The following ALDH1A1 variants were observed in gnomAD, a reference collection of about 807,000 sequenced individuals.
ALDH1A1 encodes aldehyde dehydrogenase 1A1.
ALDH1A1 carries 19 observed loss-of-function variants against 62.1 expected under a neutral mutation model. The ratio of observed to expected loss-of-function variants is 0.31; its 90% CI spans 0.21 to 0.45. The LOEUF is 0.45. ALDH1A1 is among the 20% of genes least tolerant of loss of function. The pLI is 1.00. For synonymous variants in ALDH1A1, 231 were observed against 215.9 expected (o/e 1.07, Z -0.61); for missense variants, 521 against 607.1 (o/e 0.86, Z 1.49).
chr9:72,943,360 T>C (rs776174872), intron 1 of ALDH1A1, among the ~76,000 whole-genome samples: 4 of 152,152 alleles, frequency 2.6e-5, no homozygotes, highest in Non-Finnish European at 4.4e-5. Flanking sequence ...TTTACACACT[T>C]TTTTGTAAAA....
rs1447363853 is a variant in ALDH1A1 at position 72,930,779 on chromosome 9, G to C, written c.312+100C>G. ...AAAAAATGTTTTCATTTTGTTTGTA[G>C]AGAGCATATAGTGATCCCTAAAATC... On this transcript the variant is annotated intron_variant, in intron 3 of 12. Transcript: ENST00000297785. The C allele has an allele frequency of 7.9e-6, 11 of 1,386,660 alleles. No homozygotes were observed. The Admixed American group carries it at 2.1e-4, about 26-fold the overall frequency. 85.9% of individuals were successfully genotyped at this position (1,386,660 alleles called of 1,614,324 possible).
At chr9:72,914,238 T>C (rs1241844470) in intron 9 of ALDH1A1, among the ~76,000 whole-genome samples, 1 of 152,194 alleles carries the variant, frequency 6.6e-6, no homozygotes, top group East Asian at 1.9e-4. Flanking sequence ...CTCAAATTAT[T>C]CAGAAACCAT....
chr9:72,951,671 C>A (rs565576261), intron 1 of ALDH1A1, among the ~76,000 whole-genome samples: 7 of 151,954 alleles, frequency 4.6e-5, no homozygotes, highest in Admixed American at 2.6e-4. Context: ...CTCTTGCAAC[C>A]TTTTGGACAT....
chr9:72,942,343 C>G (rs771133934), intron 1 of ALDH1A1: 248 of 985,152 alleles, frequency 2.5e-4, no homozygotes, highest in Non-Finnish European at 2.9e-4. Flanking sequence ...CTGCTCTCAC[C>G]CCAAAGTTCT....
intron 6 of ALDH1A1, 149 bp from the exon 7 acceptor site, chr9:72,924,281 T>C: frequency 1.7e-6 from 1 of 573,740 alleles, no homozygotes; most frequent in East Asian, 3.0e-5. Context: ...TTTAGTCTTA[T>C]TATGTCATTT....
At chr9:72,929,795 A>T (rs915599268) in intron 3 of ALDH1A1, among the ~76,000 whole-genome samples, 1 of 152,168 alleles carries the variant, frequency 6.6e-6, no homozygotes, top group African/African-American at 2.4e-5. Context: ...TCATGTCAAA[A>T]TTTAACCAAA....
chr9:72,931,079 G>A (rs778604276), intron 2 of ALDH1A1, 60 bp from the exon 3 acceptor site: 1 of 1,595,294 alleles, frequency 6.3e-7, no homozygotes, highest in Non-Finnish European at 8.6e-7. Context: ...CAAATTTAAT[G>A]CCAATAACCC....
chr9:72,931,421 G>A (rs1339304457), intron 2 of ALDH1A1, among the ~76,000 whole-genome samples: 1 of 152,174 alleles, frequency 6.6e-6, no homozygotes, highest in Non-Finnish European at 1.5e-5. Context: ...AGAGACGGGA[G>A]CTTTGCTCAA....
intron 5 of ALDH1A1, 197 bp downstream of exon 5, chr9:72,926,919 A>C (rs1371342758): frequency 4.2e-6 from 2 of 478,620 alleles, no homozygotes; most frequent in Non-Finnish European, 7.6e-6. Context: ...GATATGCCAG[A>C]ATATAGATAG....
intron 1 of ALDH1A1, among the ~76,000 whole-genome samples, chr9:72,945,022 T>A (rs1830459801): frequency 6.6e-6 from 1 of 152,232 alleles, no homozygotes; most frequent in African/African-American, 2.4e-5. Flanking sequence ...TTACCTTTGA[T>A]AAACAAGTAG....
intron 12 of ALDH1A1, among the ~76,000 whole-genome samples, chr9:72,902,656 T>G (rs1829820157): frequency 6.6e-6 from 1 of 151,994 alleles, no homozygotes; most frequent in African/African-American, 2.4e-5. Flanking sequence ...TATAGGCACT[T>G]GAAGCTCTCA....
intron 12 of ALDH1A1, 92 bp downstream of exon 12, chr9:72,905,866 T>G (rs1829871897): frequency 9.3e-7 from 1 of 1,070,624 alleles, no homozygotes; most frequent in African/African-American, 1.6e-5. Flanking sequence ...GAGGCAGGTT[T>G]TATGTAAGGT....
At chr9:72,928,463 T>C (rs1830238811) in intron 4 of ALDH1A1, among the ~76,000 whole-genome samples, 1 of 152,264 alleles carries the variant, frequency 6.6e-6, no homozygotes, top group Non-Finnish European at 1.5e-5. Context: ...CAGGCACAGA[T>C]GACCATAACT....
chr9:72,931,262 T>A (rs1830278868), intron 2 of ALDH1A1, among the ~76,000 whole-genome samples: 1 of 152,210 alleles, frequency 6.6e-6, no homozygotes, highest in Admixed American at 6.5e-5. Context: ...TATAAGTGTT[T>A]TATGATTTTA....
chr9:72,927,081 T>C, intron 5 of ALDH1A1, 35 bp downstream of exon 5: 6 of 1,484,162 alleles, frequency 4.0e-6, no homozygotes, highest in Non-Finnish European at 5.5e-6. Flanking sequence ...AACTCTTCTT[T>C]TTAAAATTGA....
At position 72,918,728 on chromosome 9, in the gene ALDH1A1, T is replaced by A; in HGVS notation, c.842A>T (p.Asp281Val). The A allele has an allele frequency of 6.4e-7, 1 of 1,568,426 alleles. No individual in the cohort carries two copies. Among genetic ancestry groups the A allele is most frequent in the Non-Finnish European group, 8.7e-7 (1 of 1,153,678 alleles). The change falls in exon 8 of 13, where the codon GAT becomes GTT. Residue 281 changes from aspartate to valine, a missense_variant. Physicochemically the swap from Asp to Val is radical, Grantham distance 152. Transcript: ENST00000297785. The part of the protein sequence containing the change: ...GGKSPCIVLA[D>V]ADLDNAVEFA... Reference sequence around the variant, plus strand: ...AAGTGGTTTCTACTCACAGTCGGCATCAGCTAACACAATGCAAGGGCTCTT... The same window carrying A: ...AAGTGGTTTCTACTCACAGTCGGCAACAGCTAACACAATGCAAGGGCTCTT...
chr9:72,910,906 G>A (rs574002947), intron 10 of ALDH1A1, among the ~76,000 whole-genome samples: 1 of 152,192 alleles, frequency 6.6e-6, no homozygotes, highest in African/African-American at 2.4e-5. Flanking sequence ...AATTTTAATT[G>A]AACACAGCAC....
chr9:72,949,300 A>AG (rs1333120430), intron 1 of ALDH1A1, among the ~76,000 whole-genome samples: 1 of 151,930 alleles, frequency 6.6e-6, no homozygotes, highest in Non-Finnish European at 1.5e-5. Flanking sequence ...GCTGAGCAGC[A>AG]GCTGGAAAGA....
At chr9:72,918,531 T>C (rs771401686) in intron 8 of ALDH1A1, among the ~76,000 whole-genome samples, 189 bp downstream of exon 8, 8 of 152,092 alleles carry the variant, frequency 5.3e-5, no homozygotes, top group Admixed American at 1.3e-4. Context: ...GTCTATTATC[T>C]ATGTGTTATA....
Sources: gnomAD v4.1 joint callset for allele counts (sites outside exome capture counted in the v4.1 genomes callset) on GRCh38, gnomAD v4.1.1 for gene constraint, MANE v1.5 for transcripts, NCBI Gene and HGNC (gene_info 2026-07-23, HGNC 2026-07-21) for gene names.